Variants in ENTREP2 observed in about 807,000 individuals in gnomAD.
The protein encoded by ENTREP2 is endosomal transmembrane epsin interactor 2.
the ENTREP2 span, among the ~76,000 whole-genome samples, chr15:29,593,531 T>C: frequency 6.6e-6 from 1 of 152,164 alleles, no homozygotes; most frequent in Admixed American, 6.5e-5. Context: ...GAAGCTGTTC[T>C]CCTCCAAAAT....
At chr15:29,123,562 G>A in the ENTREP2 span, 1 of 1,551,758 alleles carries the variant, frequency 6.4e-7, no homozygotes, top group Non-Finnish European at 8.7e-7. Flanking sequence ...GAAGGGCTCT[G>A]GTGTTGGCCG....
At chr15:29,258,114 G>C in the ENTREP2 span, among the ~76,000 whole-genome samples, 2 of 151,526 alleles carry the variant, frequency 1.3e-5, no homozygotes, top group East Asian at 3.9e-4. Flanking sequence ...TCAGGAGGCT[G>C]AGGCAGAAGA....
the ENTREP2 span, among the ~76,000 whole-genome samples, chr15:29,411,027 G>A: frequency 2.0e-5 from 3 of 151,978 alleles, no homozygotes; most frequent in South Asian, 2.1e-4. Flanking sequence ...CTGGTGATCC[G>A]CCGCCTCAGC....
At chr15:29,584,019 GA>G in the ENTREP2 span, among the ~76,000 whole-genome samples, 8 of 151,574 alleles carry the variant, frequency 5.3e-5, no homozygotes, top group African/African-American at 1.2e-4. Flanking sequence ...AGCAACCAAA[GA>G]AAAAAATAGA....
the ENTREP2 span, among the ~76,000 whole-genome samples, chr15:29,487,648 T>A: frequency 1.3e-5 from 2 of 152,142 alleles, no homozygotes; most frequent in African/African-American, 4.8e-5. Flanking sequence ...GGGGGAAGAA[T>A]CTGATCTCCA....
the ENTREP2 span, among the ~76,000 whole-genome samples, chr15:29,223,211 C>T: frequency 6.6e-6 from 1 of 151,552 alleles, no homozygotes; most frequent in East Asian, 1.9e-4. Flanking sequence ...TTGGGGAACA[C>T]CACATTAAAA....
the ENTREP2 span, among the ~76,000 whole-genome samples, chr15:29,146,023 A>T: frequency 6.6e-6 from 1 of 152,238 alleles, no homozygotes; most frequent in Non-Finnish European, 1.5e-5. Context: ...GCAATGAATG[A>T]TCTGAAAATT....
At chr15:29,607,833 C>T in the ENTREP2 span, among the ~76,000 whole-genome samples, 1 of 106,628 alleles carries the variant, frequency 9.4e-6, no homozygotes, top group African/African-American at 5.5e-5. Flanking sequence ...GATAGACAGA[C>T]AGACAGACAG....
chr15:29,501,613 G>A, the ENTREP2 span, among the ~76,000 whole-genome samples: 1 of 151,974 alleles, frequency 6.6e-6, no homozygotes, highest in Non-Finnish European at 1.5e-5. Context: ...AAGAAGACAA[G>A]GATGTCTACC....
At chr15:29,138,551 G>GTGTGCA in the ENTREP2 span, among the ~76,000 whole-genome samples, 1 of 144,798 alleles carries the variant, frequency 6.9e-6, no homozygotes, top group South Asian at 2.2e-4. Context: ...TTGTGTGTGT[G>GTGTGCA]TGTGCATGTG....
At chr15:29,333,897 G>A in the ENTREP2 span, among the ~76,000 whole-genome samples, 26 of 152,064 alleles carry the variant, frequency 1.7e-4, no homozygotes, top group East Asian at 1.2e-3. Context: ...ACATGAACAC[G>A]AGGAGAACGC....
At chr15:29,213,926 A>G in the ENTREP2 span, among the ~76,000 whole-genome samples, 1 of 152,224 alleles carries the variant, frequency 6.6e-6, no homozygotes, top group East Asian at 1.9e-4. Context: ...CAGCCAACAG[A>G]CACATGAAAA....
the ENTREP2 span, among the ~76,000 whole-genome samples, chr15:29,578,119 C>A: frequency 6.6e-6 from 1 of 151,914 alleles, no homozygotes; most frequent in Non-Finnish European, 1.5e-5. Flanking sequence ...AAGAAAAAAA[C>A]AATGAAATTC....
the ENTREP2 span, among the ~76,000 whole-genome samples, chr15:29,306,316 G>A: frequency 6.6e-6 from 1 of 152,206 alleles, no homozygotes. Flanking sequence ...AAGAGGAATT[G>A]AGCATGCTGC....
At chr15:29,626,522 A>G in the ENTREP2 span, among the ~76,000 whole-genome samples, 694 of 152,292 alleles carry the variant, frequency 4.6e-3, 6 homozygotes, top group African/African-American at 0.016. Context: ...ACCTCTTTCC[A>G]TTATAAATTA....
At chr15:29,431,559 A>C in the ENTREP2 span, among the ~76,000 whole-genome samples, 1 of 152,118 alleles carries the variant, frequency 6.6e-6, no homozygotes, top group Non-Finnish European at 1.5e-5. Context: ...TACTTTGTGA[A>C]ACCCTCTCCC....
At chr15:29,575,131 TC>T in the ENTREP2 span, among the ~76,000 whole-genome samples, 1 of 152,032 alleles carries the variant, frequency 6.6e-6, no homozygotes, top group Non-Finnish European at 1.5e-5. Context: ...AGTAAACCAG[TC>T]CCCTGCCTTG....
At chr15:29,542,849 T>C in the ENTREP2 span, among the ~76,000 whole-genome samples, 4 of 152,262 alleles carry the variant, frequency 2.6e-5, no homozygotes, top group Admixed American at 6.5e-5. Flanking sequence ...GACTGGCTTA[T>C]TTCACTTAGC....
chr15:29,274,686 A>G, the ENTREP2 span, among the ~76,000 whole-genome samples: 1 of 152,168 alleles, frequency 6.6e-6, no homozygotes, highest in Non-Finnish European at 1.5e-5. Context: ...AAAGTTGTAT[A>G]TACTGCAGGG....
Sources: allele counts gnomAD v4.1 joint callset (sites outside exome capture counted in the v4.1 genomes callset), GRCh38; gene constraint gnomAD v4.1.1; transcripts MANE v1.5; gene names NCBI Gene and HGNC (gene_info 2026-07-23, HGNC 2026-07-21).